The following SLC24A2 variants were observed in gnomAD, a reference collection of about 807,000 sequenced individuals.
SLC24A2 encodes the protein sodium/potassium/calcium exchanger 2.
In SLC24A2, 36 loss-of-function variants were observed where a neutral mutation model predicts 62.0. That is an observed-to-expected ratio of 0.58 (90% confidence interval 0.44 to 0.77). The LOEUF (loss-of-function observed/expected upper bound fraction) is 0.77, where lower values mean the gene tolerates loss of function less well. Ranked by LOEUF, SLC24A2 falls within the 30% of genes least tolerant of loss-of-function variation. SLC24A2 has a pLI of 0.00. For synonymous variants in SLC24A2, 358 were observed against 294.0 expected (o/e 1.22, Z -2.23); for missense variants, 846 against 817.9 (o/e 1.03, Z -0.42).
At chr9:20,077,665 C>G in the SLC24A2 span, among the ~76,000 whole-genome samples, 5 of 152,070 alleles carry the variant, frequency 3.3e-5, no homozygotes, top group Non-Finnish European at 2.9e-5. Context: ...GAATTAATAC[C>G]AAGGAGTTAA....
intron 7 of SLC24A2, among the ~76,000 whole-genome samples, chr9:19,564,449 A>G (rs1169821203): frequency 1.3e-5 from 2 of 152,238 alleles, no homozygotes; most frequent in East Asian, 1.9e-4. Context: ...TGGCAAGGTA[A>G]TATTTGAATT....
chr9:20,108,395 A>T, the SLC24A2 span, among the ~76,000 whole-genome samples: 2 of 152,152 alleles, frequency 1.3e-5, no homozygotes, highest in Non-Finnish European at 2.9e-5. Context: ...AGACACATGC[A>T]CACGTATGTT....
chr9:19,918,643 G>C, the SLC24A2 span, among the ~76,000 whole-genome samples: 2 of 152,148 alleles, frequency 1.3e-5, no homozygotes, highest in African/African-American at 4.8e-5. Flanking sequence ...TGTTTCCCCA[G>C]ACTCCAGGAG....
chr9:19,946,669 G>C, the SLC24A2 span, among the ~76,000 whole-genome samples: 1 of 152,216 alleles, frequency 6.6e-6, no homozygotes, highest in Admixed American at 6.5e-5. Context: ...GCAGATGCCA[G>C]CACTTCCTCT....
intron 2 of SLC24A2, among the ~76,000 whole-genome samples, chr9:19,706,603 C>T (rs1200618936): frequency 6.6e-6 from 1 of 152,088 alleles, no homozygotes; most frequent in Non-Finnish European, 1.5e-5. Context: ...TGGTCTCGAT[C>T]TCCTGACCTC....
chr9:19,553,299 T>C (rs1021093269), intron 7 of SLC24A2, among the ~76,000 whole-genome samples: 1 of 152,196 alleles, frequency 6.6e-6, no homozygotes, highest in South Asian at 2.1e-4. Context: ...GGGCAGTGAT[T>C]TTCCAACTTT....
intron 2 of SLC24A2, among the ~76,000 whole-genome samples, chr9:19,748,555 T>C (rs1032907137): frequency 2.0e-5 from 3 of 152,098 alleles, no homozygotes; most frequent in African/African-American, 7.2e-5. Flanking sequence ...CAATCTTAGG[T>C]GGGTTAATGT....
the SLC24A2 span, among the ~76,000 whole-genome samples, chr9:20,181,247 T>C: frequency 6.8e-6 from 1 of 147,656 alleles, no homozygotes; most frequent in African/African-American, 2.5e-5. Context: ...TTTTCTCATC[T>C]GAAAAAAAAA....
intron 7 of SLC24A2, among the ~76,000 whole-genome samples, 161 bp from the exon 8 acceptor site, chr9:19,550,429 G>C (rs1354056880): frequency 1.3e-5 from 2 of 152,228 alleles, no homozygotes; most frequent in Non-Finnish European, 2.9e-5. Context: ...GTCACAGTCT[G>C]AGTCCTAGGA....
the SLC24A2 span, among the ~76,000 whole-genome samples, chr9:20,165,783 G>A: frequency 6.6e-6 from 1 of 151,744 alleles, no homozygotes; most frequent in East Asian, 1.9e-4. Context: ...TGAAAAAATT[G>A]ATAAATTTGA....
chr9:20,204,281 C>T, the SLC24A2 span, among the ~76,000 whole-genome samples: 1 of 152,252 alleles, frequency 6.6e-6, no homozygotes, highest in Admixed American at 6.5e-5. Context: ...CACAGCATTG[C>T]CACCTTCAAA....
chr9:20,001,922 A>G, the SLC24A2 span, among the ~76,000 whole-genome samples: 8 of 152,200 alleles, frequency 5.3e-5, no homozygotes, highest in African/African-American at 1.9e-4. Context: ...TTCATGGAAA[A>G]TATGTAAGTC....
chr9:20,249,278 T>C, the SLC24A2 span, among the ~76,000 whole-genome samples: 1 of 152,344 alleles, frequency 6.6e-6, no homozygotes, highest in Non-Finnish European at 1.5e-5. Flanking sequence ...GCTGTGATTA[T>C]AATTATCACA....
At chr9:19,740,278 A>C (rs1489981725) in intron 2 of SLC24A2, among the ~76,000 whole-genome samples, 1 of 152,230 alleles carries the variant, frequency 6.6e-6, no homozygotes, top group Non-Finnish European at 1.5e-5. Flanking sequence ...CATGTATAAC[A>C]ATGTTCATAG....
At chr9:20,267,578 G>A in the SLC24A2 span, among the ~76,000 whole-genome samples, 21,166 of 152,086 alleles carry the variant, frequency 0.14, 1,535 homozygotes, top group Middle Eastern at 0.22. Flanking sequence ...GACTCTAAGG[G>A]GAGGCATTGG....
chr9:20,122,276 T>C, the SLC24A2 span, among the ~76,000 whole-genome samples: 1 of 152,186 alleles, frequency 6.6e-6, no homozygotes, highest in East Asian at 1.9e-4. Flanking sequence ...AGGACCAGAG[T>C]GCTCCCTATA....
chr9:19,618,253 T>A (rs1215115334), intron 4 of SLC24A2, among the ~76,000 whole-genome samples: 3 of 152,198 alleles, frequency 2.0e-5, no homozygotes, highest in African/African-American at 7.2e-5. Context: ...TACTCCCTTC[T>A]CTGGGGGTAT....
intron 7 of SLC24A2, among the ~76,000 whole-genome samples, chr9:19,566,513 G>A (rs2132823838): frequency 1.3e-5 from 2 of 151,706 alleles, no homozygotes; most frequent in East Asian, 3.9e-4. Context: ...CACTGTTGGT[G>A]GGACTGTAAA....
At chr9:20,209,648 C>T in the SLC24A2 span, among the ~76,000 whole-genome samples, 4 of 152,170 alleles carry the variant, frequency 2.6e-5, no homozygotes, top group Non-Finnish European at 5.9e-5. Context: ...CCAGCAACGC[C>T]TTGAAACCAA....
Sources: allele counts gnomAD v4.1 joint callset (sites outside exome capture counted in the v4.1 genomes callset), GRCh38; gene constraint gnomAD v4.1.1; transcripts MANE v1.5; gene names NCBI Gene and HGNC (gene_info 2026-07-23, HGNC 2026-07-21).